Variants in HS6ST3 observed in about 807,000 individuals in gnomAD.
HS6ST3 encodes heparan-sulfate 6-O-sulfotransferase 3.
In HS6ST3, 12 loss-of-function variants were observed where a neutral mutation model predicts 36.7. The ratio of observed to expected loss-of-function variants is 0.33; its 90% CI spans 0.21 to 0.53. The LOEUF is 0.53. Among genes scored for constraint, HS6ST3 ranks in the 20% least tolerant of loss-of-function variants. The probability of loss-of-function intolerance (pLI) is 0.95; values close to 1 mark genes in which losing one functional copy is unlikely to be tolerated. For synonymous variants in HS6ST3, 240 were observed against 257.5 expected, an observed-to-expected ratio of 0.93 and a Z score of 0.65; for missense variants, 584 against 640.9, an observed-to-expected ratio of 0.91 and a Z score of 0.96.
chr13:96,112,709 A>G (rs1472866597), intron 1 of HS6ST3, among the ~76,000 whole-genome samples: 1 of 147,862 alleles, frequency 6.8e-6, no homozygotes, highest in Non-Finnish European at 1.5e-5. Flanking sequence ...TGGAGGTTGC[A>G]GTGAGCTGAG....
chr13:96,765,031 ACTTGCCATATTTCTTT>A, intron 1 of HS6ST3, among the ~76,000 whole-genome samples: 1 of 150,314 alleles, frequency 6.7e-6, no homozygotes, highest in African/African-American at 2.4e-5. Context: ...ATTCAGTTGC[ACTTGCCATATTTCTTT>A]CTTTGTTTCT....
At chr13:96,801,993 A>G (rs776807620) in intron 1 of HS6ST3, among the ~76,000 whole-genome samples, 19 of 152,062 alleles carry the variant, frequency 1.2e-4, no homozygotes, top group South Asian at 4.1e-4. Context: ...CTAATGGCCA[A>G]TTCTCCCCAT....
At chr13:96,364,641 T>C (rs1374523938) in intron 1 of HS6ST3, among the ~76,000 whole-genome samples, 1 of 152,132 alleles carries the variant, frequency 6.6e-6, no homozygotes, top group African/African-American at 2.4e-5. Context: ...AATGAGTACA[T>C]AGTTTCTGTT....
intron 1 of HS6ST3, among the ~76,000 whole-genome samples, chr13:96,396,765 G>A (rs1269466253): frequency 6.6e-6 from 1 of 152,144 alleles, no homozygotes; most frequent in Non-Finnish European, 1.5e-5. Flanking sequence ...TGTCCTCTTA[G>A]CAAATATCCC....
chr13:96,646,857 C>G, intron 1 of HS6ST3, among the ~76,000 whole-genome samples: 1 of 151,952 alleles, frequency 6.6e-6, no homozygotes, highest in East Asian at 1.9e-4. Context: ...TAATAACTGA[C>G]TTTTTCCCCT....
At chr13:96,638,732 T>C (rs1262767476) in intron 1 of HS6ST3, among the ~76,000 whole-genome samples, 1 of 152,028 alleles carries the variant, frequency 6.6e-6, no homozygotes, top group Admixed American at 6.6e-5. Context: ...AGCGGAACTA[T>C]GAGTCAATTA....
intron 1 of HS6ST3, among the ~76,000 whole-genome samples, chr13:96,533,420 C>T (rs1317049809): frequency 6.6e-6 from 1 of 152,200 alleles, no homozygotes; most frequent in Non-Finnish European, 1.5e-5. Flanking sequence ...AATTAGCTAT[C>T]GGCCTGACAG....
chr13:96,609,218 C>T (rs1265032071), intron 1 of HS6ST3, among the ~76,000 whole-genome samples: 2 of 152,086 alleles, frequency 1.3e-5, no homozygotes, highest in Admixed American at 1.3e-4. Context: ...GATCCACCCA[C>T]TTTGGCCTCC....
chr13:96,150,868 A>G (rs1231991839), intron 1 of HS6ST3, among the ~76,000 whole-genome samples: 2 of 152,212 alleles, frequency 1.3e-5, no homozygotes, highest in Non-Finnish European at 2.9e-5. Flanking sequence ...ACTAAACTAT[A>G]TAACTGTATA....
intron 1 of HS6ST3, among the ~76,000 whole-genome samples, chr13:96,226,527 T>A (rs546970801): frequency 0.012 from 1,757 of 151,988 alleles, 33 homozygotes; most frequent in African/African-American, 0.04. Flanking sequence ...TCTCAAAAAA[T>A]AATAATAATA....
In HS6ST3 at chr13:96,372,093, T is replaced by G. The variant is rs556788219; in HGVS notation, c.707+280524T>G. ...ACATAATGGCTATATCATTTTATAT[T>G]CCTACCAACAATATATAAGGGTTAC... On this transcript the variant is annotated intron_variant, in intron 1 of 1. Coordinates refer to ENST00000376705, the MANE Select transcript of HS6ST3 (RefSeq NM_153456.4). 2.0e-5 allele frequency among the ~76,000 whole-genome samples: 3 copies of G among 152,310 alleles called. No homozygotes were observed. The East Asian group carries it at 5.8e-4, about 29-fold the overall frequency.
chr13:96,508,927 A>G (rs1410943447), intron 1 of HS6ST3, among the ~76,000 whole-genome samples: 1 of 151,852 alleles, frequency 6.6e-6, no homozygotes, highest in Non-Finnish European at 1.5e-5. Flanking sequence ...GTAGATCTCC[A>G]TATAGTTTTC....
chr13:96,258,484 T>C (rs762957873), intron 1 of HS6ST3, among the ~76,000 whole-genome samples: 1 of 152,202 alleles, frequency 6.6e-6, no homozygotes, highest in African/African-American at 2.4e-5. Flanking sequence ...GTGGGATTAA[T>C]TGTATGAGCC....
chr13:96,551,784 G>A (rs3904717), intron 1 of HS6ST3, among the ~76,000 whole-genome samples: 3 of 152,166 alleles, frequency 2.0e-5, no homozygotes, highest in East Asian at 1.9e-4. Context: ...ATCGCCACCC[G>A]CCGGAGCATA....
At chr13:96,112,578 A>AATAAATAAAT (rs1366560422) in intron 1 of HS6ST3, among the ~76,000 whole-genome samples, 6 of 81,222 alleles carry the variant, frequency 7.4e-5, no homozygotes, top group African/African-American at 2.9e-4. Context: ...AAAATAAATA[A>AATAAATAAAT]ATATATATAT....
chr13:96,343,217 T>C (rs2139427021), intron 1 of HS6ST3, among the ~76,000 whole-genome samples: 1 of 152,364 alleles, frequency 6.6e-6, no homozygotes, highest in Non-Finnish European at 1.5e-5. Flanking sequence ...TACCACAGAC[T>C]TAATAGTATC....
At chr13:96,323,163 C>T (rs984516672) in intron 1 of HS6ST3, among the ~76,000 whole-genome samples, 12 of 152,118 alleles carry the variant, frequency 7.9e-5, no homozygotes, top group Non-Finnish European at 1.5e-4. Context: ...ATTAATATAT[C>T]GAATTGCATA....
At chr13:96,121,050 C>G (rs1192910567) in intron 1 of HS6ST3, among the ~76,000 whole-genome samples, 4 of 152,182 alleles carry the variant, frequency 2.6e-5, no homozygotes, top group African/African-American at 4.8e-5. Context: ...ATTTCCAAGT[C>G]CGAGACCTAA....
intron 1 of HS6ST3, among the ~76,000 whole-genome samples, chr13:96,237,566 C>T (rs1334268733): frequency 6.6e-6 from 1 of 152,180 alleles, no homozygotes; most frequent in Non-Finnish European, 1.5e-5. Flanking sequence ...TAGTTGACCT[C>T]ATATTCCTCC....
Sources: gnomAD v4.1 joint callset for allele counts (sites outside exome capture counted in the v4.1 genomes callset) on GRCh38, gnomAD v4.1.1 for gene constraint, MANE v1.5 for transcripts, NCBI Gene and HGNC (gene_info 2026-07-23, HGNC 2026-07-21) for gene names.